The following MROH9 variants were observed in gnomAD, a reference collection of about 807,000 sequenced individuals.
MROH9 encodes maestro heat-like repeat-containing protein family member 9.
MROH9 carries 92 observed loss-of-function variants against 98.2 expected under a neutral mutation model. The observed-to-expected ratio is 0.94, with a 90% CI of 0.79 to 1.11. The LOEUF is 1.11. Among genes scored for constraint, MROH9 ranks in the 50% most tolerant of loss-of-function variants. MROH9 has a pLI of 0.00. For missense variants in MROH9, 1,057 were observed against 1,014.8 expected (o/e 1.04, Z -0.57); for synonymous variants, 397 against 368.9 (o/e 1.08, Z -0.87).
At chr1:171,058,278 A>G (rs1424331110) in intron 20 of MROH9, among the ~76,000 whole-genome samples, 4 of 151,962 alleles carry the variant, frequency 2.6e-5, no homozygotes, top group African/African-American at 9.7e-5. Context: ...GAATACAGCT[A>G]ACAAGGGATG....
intron 12 of MROH9, among the ~76,000 whole-genome samples, chr1:170,994,318 T>C (rs943680189): frequency 6.6e-6 from 1 of 152,198 alleles, no homozygotes; most frequent in Non-Finnish European, 1.5e-5. Flanking sequence ...CCATAACTGT[T>C]ACCCACGTGA....
intron 11 of MROH9, among the ~76,000 whole-genome samples, chr1:170,991,030 A>T (rs1400399979): frequency 6.6e-6 from 1 of 152,188 alleles, no homozygotes; most frequent in Non-Finnish European, 1.5e-5. Context: ...CTAAGCACCC[A>T]CTTTGTGTAA....
intron 15 of MROH9, among the ~76,000 whole-genome samples, chr1:171,010,918 A>G (rs943084903): frequency 6.6e-6 from 1 of 151,824 alleles, no homozygotes. Flanking sequence ...ATGATAGTTT[A>G]TTTTGCTGTG....
intron 7 of MROH9, among the ~76,000 whole-genome samples, chr1:170,968,909 G>T (rs1320212778): frequency 6.6e-6 from 1 of 152,110 alleles, no homozygotes; most frequent in Non-Finnish European, 1.5e-5. Context: ...CCATATTATT[G>T]ATTTTCAACT....
intron 20 of MROH9, among the ~76,000 whole-genome samples, chr1:171,058,443 A>AT (rs1557917616): frequency 6.6e-6 from 1 of 152,174 alleles, no homozygotes; most frequent in Non-Finnish European, 1.5e-5. Context: ...TATAGATTCA[A>AT]TGTTATTCCC....
chr1:170,938,539 G>A (rs980487376), intron 1 of MROH9, among the ~76,000 whole-genome samples: 1 of 152,300 alleles, frequency 6.6e-6, no homozygotes, highest in African/African-American at 2.4e-5. Flanking sequence ...CTTTAGGATG[G>A]TGGGGAACAT....
chr1:171,028,996 CTTTA>C (rs1571151612), intron 20 of MROH9, among the ~76,000 whole-genome samples: 1 of 152,088 alleles, frequency 6.6e-6, no homozygotes, highest in Admixed American at 6.5e-5. Context: ...TTTGAATACT[CTTTA>C]TTTTTTTCTC....
At chr1:170,981,851 A>C (rs1650943507) in intron 8 of MROH9, among the ~76,000 whole-genome samples, 1 of 152,156 alleles carries the variant, frequency 6.6e-6, no homozygotes, top group African/African-American at 2.4e-5. Context: ...ATAATGTTCT[A>C]TATATACTTA....
chr1:170,953,249 G>T (rs181982559), intron 3 of MROH9, among the ~76,000 whole-genome samples: 1 of 151,938 alleles, frequency 6.6e-6, no homozygotes, highest in Non-Finnish European at 1.5e-5. Context: ...TTGTTATTGA[G>T]TGTAAAATGT....
In MROH9 at chr1:170,989,976, T is replaced by G. The variant is rs747187726; in HGVS notation, c.1001T>G (p.Leu334Arg). The G allele has an allele frequency of 1.2e-6, 2 of 1,612,688 alleles. No individual in the cohort carries two copies. Among genetic ancestry groups the G allele is most frequent in the East Asian group, 2.2e-5 (1 of 44,832 alleles). Residue 334 changes from leucine to arginine, a missense_variant, in exon 11 of 22, where the codon CTT becomes CGT. Leu to Arg is a moderately radical substitution (Grantham distance 102). Coordinates refer to ENST00000367759, the MANE Select transcript of MROH9 (RefSeq NM_001163629.2). ...TCACCCAAGAAGGTCATCTTTCAAC[T>G]TATGGACTACCCAGTTCCAGCAGAC... The part of the protein sequence containing the change: ...CTSPKKVIFQ[L>R]MDYPVPADDT...
intron 20 of MROH9, among the ~76,000 whole-genome samples, chr1:171,046,311 T>G (rs1653471944): frequency 6.6e-6 from 1 of 152,172 alleles, no homozygotes; most frequent in South Asian, 2.1e-4. Context: ...TATTATTTAT[T>G]AGAACTTACT....
rs887844273 is a variant in MROH9, at chr1:171,024,410, C to G, written c.1924C>G (p.Arg642Gly). The part of the protein sequence containing the change: ...TLMDHINGGI[R>G]SMAIRHFGQL... The stretch of plus-strand genomic sequence containing the variant: ...TCTTTTACAGATTAATGGAGGCATT[C>G]GAAGTATGGCAATTCGACACTTTGG... The change falls in exon 18 of 22, where the codon CGA becomes GGA. Residue 642 changes from arginine to glycine, a missense_variant. Transcript: ENST00000367759. 1.3e-6 allele frequency: 2 copies of G among 1,550,718 alleles called. No individual in the cohort carries two copies. The highest frequency in any genetic ancestry group is 1.7e-6 in the Non-Finnish European group (2 of 1,146,734).
At chr1:170,939,915 A>G (rs1421418693) in intron 1 of MROH9, among the ~76,000 whole-genome samples, 2 of 152,212 alleles carry the variant, frequency 1.3e-5, no homozygotes, top group Admixed American at 1.3e-4. Flanking sequence ...CAAAGGCTGA[A>G]AAGAGCATCA....
chr1:170,975,259 G>A (rs909466566), intron 8 of MROH9, among the ~76,000 whole-genome samples: 3 of 152,000 alleles, frequency 2.0e-5, no homozygotes, highest in Non-Finnish European at 4.4e-5. Context: ...TGAATTAAAT[G>A]TTAAAAGTTA....
chr1:171,064,202 T>G lies in MROH9; in HGVS notation c.2448T>G (p.Pro816=). Reference sequence around the variant, plus strand: ...AAGCCCATAAACTGACCTCTGCACCTCTTAAACAAAACTTCCAAAAATTGC... The same window carrying G: ...AAGCCCATAAACTGACCTCTGCACCGCTTAAACAAAACTTCCAAAAATTGC... ...KKKAHKLTSA[P]LKQNFQKLLK... is the part of the protein sequence containing the mutation. The change falls in exon 22 of 22, where the codon CCT becomes CCG. Residue 816 remains proline (P), a synonymous_variant. Transcript: ENST00000367759. 6.4e-7 allele frequency: 1 copy of G among 1,551,568 alleles called. No individual in the cohort carries two copies. The highest frequency in any genetic ancestry group is 8.7e-7 in the Non-Finnish European group (1 of 1,146,924).
chr1:170,957,807 TTTG>T (rs1649828582), intron 3 of MROH9, among the ~76,000 whole-genome samples: 1 of 129,352 alleles, frequency 7.7e-6, no homozygotes, highest in African/African-American at 3.0e-5. Flanking sequence ...TTTTTTTTTT[TTTG>T]TTTGTTTGTT....
At chr1:170,959,989 C>G (rs6682775) in intron 5 of MROH9, among the ~76,000 whole-genome samples, 12,153 of 152,198 alleles carry the variant, frequency 0.08, 624 homozygotes, top group Non-Finnish European at 0.11. Flanking sequence ...GCTCTATAAG[C>G]TAGAGAAGAA....
At chr1:171,058,893 A>G (rs1314780321) in intron 20 of MROH9, among the ~76,000 whole-genome samples, 1 of 152,244 alleles carries the variant, frequency 6.6e-6, no homozygotes, top group Non-Finnish European at 1.5e-5. Context: ...CAAAAACCCT[A>G]GAAGAAAACC....
intron 3 of MROH9, among the ~76,000 whole-genome samples, chr1:170,957,018 T>TGC (rs376996347): frequency 3.5e-5 from 5 of 143,264 alleles, no homozygotes; most frequent in African/African-American, 1.4e-4. Flanking sequence ...ATTATCTGCT[T>TGC]TTTTTTTTTT....
Sources: gnomAD v4.1 joint callset for allele counts (sites outside exome capture counted in the v4.1 genomes callset) on GRCh38, gnomAD v4.1.1 for gene constraint, MANE v1.5 for transcripts, NCBI Gene and HGNC (gene_info 2026-07-23, HGNC 2026-07-21) for gene names.